COP1: variants seen among roughly 807,000 people sequenced by gnomAD.
COP1 encodes the protein E3 ubiquitin-protein ligase COP1.
In COP1, 24 loss-of-function variants were observed where a neutral mutation model predicts 101.3. The observed-to-expected ratio is 0.24, with a 90% CI of 0.17 to 0.33. The LOEUF is 0.33. Among genes scored for constraint, COP1 ranks in the 10% least tolerant of loss-of-function variants. The probability of loss-of-function intolerance (pLI) is 1.00; values close to 1 mark genes in which losing one functional copy is unlikely to be tolerated. For missense variants in COP1, 663 were observed against 906.2 expected (o/e 0.73, Z 3.45); for synonymous variants, 347 against 341.9 (o/e 1.01, Z -0.17).
intron 9 of COP1, among the ~76,000 whole-genome samples, chr1:176,097,500 TTCTG>T (rs756554548): frequency 8.5e-5 from 13 of 152,304 alleles, no homozygotes; most frequent in East Asian, 5.8e-4. Context: ...TTGGGTTTTC[TTCTG>T]TCTATCTGTG....
At chr1:175,989,982 C>T (rs11803301) in intron 15 of COP1, among the ~76,000 whole-genome samples, 8,072 of 151,998 alleles carry the variant, frequency 0.053, 461 homozygotes, top group South Asian at 0.14. Context: ...AGTCTCTATT[C>T]CTGTCTGTCT....
chr1:176,077,401 C>A (rs1434352448), intron 11 of COP1, among the ~76,000 whole-genome samples: 1 of 152,028 alleles, frequency 6.6e-6, no homozygotes, highest in Non-Finnish European at 1.5e-5. Flanking sequence ...AAACAAAAAA[C>A]ATATGATCAT....
intron 16 of COP1, 43 bp from the exon 17 acceptor site, chr1:175,988,455 T>C: frequency 6.5e-7 from 1 of 1,535,672 alleles, no homozygotes; most frequent in South Asian, 1.2e-5. Context: ...TAAAATTTCT[T>C]GGCACGAAAC....
intron 16 of COP1, chr1:175,988,710 G>T: frequency 9.7e-6 from 2 of 205,940 alleles, no homozygotes; most frequent in Admixed American, 1.0e-4. Context: ...GCACGTGCCT[G>T]TAGTCCCAGC....
chr1:176,026,086 A>G (rs2149058862), intron 15 of COP1, among the ~76,000 whole-genome samples: 1 of 152,198 alleles, frequency 6.6e-6, no homozygotes, highest in East Asian at 1.9e-4. Context: ...TTAAATGAGA[A>G]AAATAACTAA....
intron 18 of COP1, among the ~76,000 whole-genome samples, chr1:175,976,703 G>A (rs1285181093): frequency 6.6e-6 from 1 of 152,134 alleles, no homozygotes; most frequent in Admixed American, 6.5e-5. Flanking sequence ...ATATGATAAA[G>A]GCATATCAGT....
At chr1:176,002,479 A>G (rs1414477479) in intron 15 of COP1, among the ~76,000 whole-genome samples, 4 of 151,480 alleles carry the variant, frequency 2.6e-5, no homozygotes, top group Admixed American at 1.3e-4. Flanking sequence ...AGCATTAGGT[A>G]TATCTCCCAA....
At chr1:176,123,518 C>T (rs1687488398) in intron 8 of COP1, among the ~76,000 whole-genome samples, 1 of 152,054 alleles carries the variant, frequency 6.6e-6, no homozygotes, top group Non-Finnish European at 1.5e-5. Flanking sequence ...GGACAAAAAG[C>T]CATAAACATA....
In COP1 at chr1:176,102,140, C is replaced by T. The variant is rs554459758; in HGVS notation, c.1026+14484G>A. 5.3e-5 allele frequency among the ~76,000 whole-genome samples: 8 copies of T among 152,210 alleles called. No individual in the cohort carries two copies. In the South Asian group the frequency reaches 1.7e-3, roughly 32 times the overall value. On this transcript the variant is annotated intron_variant, in intron 9 of 19. Coordinates refer to ENST00000367669, the MANE Select transcript of COP1 (RefSeq NM_022457.7). ...GGGGTGGGGCCTCAGGAAGTTTGTG[C>T]CATTTGCAGCGGGGAGGAGCCTGGT...
At chr1:176,099,505 GTCTCTCTCTCTCTCTC>G (rs145354415) in intron 9 of COP1, among the ~76,000 whole-genome samples, 14,680 of 143,874 alleles carry the variant, frequency 0.1, 809 homozygotes, top group Middle Eastern at 0.16. Context: ...GAGCATATTT[GTCTCTCTCTCTCTCTC>G]TCTCTCTCTC....
chr1:176,074,319 TTGAATA>T (rs1239253962), intron 11 of COP1, among the ~76,000 whole-genome samples: 4 of 152,176 alleles, frequency 2.6e-5, no homozygotes, highest in Non-Finnish European at 5.9e-5. Flanking sequence ...AATGATGTGT[TTGAATA>T]TAAGAAAGTA....
intron 9 of COP1, among the ~76,000 whole-genome samples, chr1:176,097,445 CA>C (rs1314561633): frequency 1.3e-5 from 2 of 152,074 alleles, no homozygotes; most frequent in African/African-American, 4.8e-5. Flanking sequence ...ACCTGGAGAC[CA>C]TTAATTCAAT....
chr1:176,082,736 T>C (rs1572123513), intron 10 of COP1, among the ~76,000 whole-genome samples: 1 of 150,068 alleles, frequency 6.7e-6, no homozygotes, highest in Non-Finnish European at 1.5e-5. Flanking sequence ...ACCCGGGAGG[T>C]GGAGGTTGCA....
At position 176,074,190 on chromosome 1, in the gene COP1, G is replaced by T. The variant is rs1273613627; in HGVS notation, c.1277+6962C>A. Among the ~76,000 whole-genome samples, 10 of 152,252 alleles carry T rather than the reference G, an allele frequency of 6.6e-5. No homozygotes were observed. The East Asian group carries it at 1.9e-3, about 29-fold the overall frequency. ...GATCTGCCTGCCTCGGCCCCGCAAA[G>T]TGCTGGGATTACAGGTGTGAGCCAC... On this transcript the variant is annotated intron_variant, in intron 11 of 19. Coordinates refer to ENST00000367669, the MANE Select transcript of COP1 (RefSeq NM_022457.7).
chr1:176,055,943 T>C (rs1023552379), intron 11 of COP1, among the ~76,000 whole-genome samples: 1 of 152,200 alleles, frequency 6.6e-6, no homozygotes, highest in Non-Finnish European at 1.5e-5. Context: ...TTTCAGTTAA[T>C]TCCTTTTTGA....
rs57495407 is a variant in COP1, at chr1:176,009,574, G to C, written c.1729+17998C>G. On this transcript the variant is annotated intron_variant, in intron 15 of 19. Transcript: ENST00000367669. ...TTTTACAGTGAGTTATCAAATGACA[G>C]ATGTTTCTATAGATGTGACAACTTC... Among the ~76,000 whole-genome samples the C allele has an allele frequency of 1.5e-3, 221 of 152,250 alleles. No individual in the cohort carries two copies. In the East Asian group the frequency reaches 0.02, roughly 14 times the overall value.
rs766207974 is a variant in COP1 at position 176,089,330 on chromosome 1, C to CAACAA, written c.1027-3441_1027-3440insTTGTT. Among the ~76,000 whole-genome samples the CAACAA allele has an allele frequency of 2.6e-3, 233 of 90,836 alleles. 2 individuals are homozygous for CAACAA. Among genetic ancestry groups the CAACAA allele is most frequent in the Non-Finnish European group, 3.9e-3 (156 of 39,736 alleles). The allele number at this position is 90,836 out of a possible 152,430, so 59.6% of individuals were successfully genotyped here. A position where few individuals can be genotyped will look rare whatever the true frequency, so the allele number is the denominator to read the frequency against. ...CAACAACAACAACAACAACAACAATCTATTTAATACTGATTATCAGATTAA... is the reference window on the plus strand; with the variant it reads ...CAACAACAACAACAACAACAACAATCAACAATATTTAATACTGATTATCAGATTAA... On this transcript the variant is annotated intron_variant, in intron 9 of 19. Transcript: ENST00000367669.
At chr1:176,120,803 G>A (rs1686991061) in intron 8 of COP1, among the ~76,000 whole-genome samples, 1 of 152,148 alleles carries the variant, frequency 6.6e-6, no homozygotes, top group South Asian at 2.1e-4. Context: ...CTCTTGGAAA[G>A]ATAATAGGCA....
chr1:176,053,232 C>T (rs1672878780), intron 11 of COP1, among the ~76,000 whole-genome samples: 1 of 152,178 alleles, frequency 6.6e-6, no homozygotes, highest in Non-Finnish European at 1.5e-5. Context: ...CCTGAATATA[C>T]TGCTTCCTCA....
Sources: allele counts gnomAD v4.1 joint callset (sites outside exome capture counted in the v4.1 genomes callset), GRCh38; gene constraint gnomAD v4.1.1; transcripts MANE v1.5; gene names NCBI Gene and HGNC (gene_info 2026-07-23, HGNC 2026-07-21).